Variants in RARB observed in about 807,000 individuals in gnomAD.
The protein encoded by RARB is retinoic acid receptor beta, also known as HBV-activated protein.
RARB carries 17 observed loss-of-function variants against 51.9 expected under a neutral mutation model. That is an observed-to-expected ratio of 0.33 (90% CI 0.22 to 0.49). The LOEUF (loss-of-function observed/expected upper bound fraction) is 0.49, where lower values mean the gene tolerates loss of function less well. RARB is among the 20% of genes least tolerant of loss of function. The pLI is 0.99. For synonymous variants in RARB, 215 were observed against 195.4 expected (o/e 1.10, Z -0.84); for missense variants, 369 against 550.8 (o/e 0.67, Z 3.30).
intron 5 of RARB, among the ~76,000 whole-genome samples, chr3:25,409,562 C>T (rs1163247556): frequency 2.0e-5 from 3 of 152,122 alleles, no homozygotes; most frequent in Non-Finnish European, 4.4e-5. Context: ...GAATCTTACA[C>T]CTTTTAATAT....
At chr3:25,196,343 A>C (rs560245476) in intron 5 of RARB, among the ~76,000 whole-genome samples, 1 of 151,974 alleles carries the variant, frequency 6.6e-6, no homozygotes, top group African/African-American at 2.4e-5. Flanking sequence ...TCCTTGTGAT[A>C]GTTTGCTCAG....
intron 2 of RARB, among the ~76,000 whole-genome samples, chr3:24,965,956 C>T (rs1215436362): frequency 6.6e-6 from 1 of 152,072 alleles, no homozygotes; most frequent in Non-Finnish European, 1.5e-5. Context: ...TTTTTGTGCA[C>T]ATCTTAGTTT....
chr3:25,356,700 T>A (rs1705748630), intron 5 of RARB, among the ~76,000 whole-genome samples: 1 of 152,114 alleles, frequency 6.6e-6, no homozygotes, highest in South Asian at 2.1e-4. Context: ...AAGTATGATG[T>A]TTCCCTCCCT....
intron 3 of RARB, among the ~76,000 whole-genome samples, chr3:25,121,428 G>C (rs1358353918): frequency 6.6e-6 from 1 of 152,070 alleles, no homozygotes; most frequent in East Asian, 1.9e-4. Context: ...TTTAATAGTT[G>C]GAAAATGTAA....
intron 5 of RARB, among the ~76,000 whole-genome samples, chr3:25,238,578 T>C (rs1702357740): frequency 6.6e-6 from 1 of 152,182 alleles, no homozygotes; most frequent in African/African-American, 2.4e-5. Context: ...TTTGAAAAAT[T>C]GCCATACACA....
In RARB at chr3:24,929,405, T is replaced by C. The variant is rs376032455; in HGVS notation, c.-380+70653T>C. On this transcript the variant is annotated intron_variant, in intron 2 of 11. Transcript: ENST00000383772. ...GTAAGCAGAAAAGTGACCGATGATA[T>C]TCAATAAAGATGCGTTTTAAGGGGA... Among the ~76,000 whole-genome samples, 8 of 152,204 alleles carry C rather than the reference T, an allele frequency of 5.3e-5. No individual in the cohort carries two copies. The South Asian group carries it at 8.3e-4, about 16-fold the overall frequency.
intron 4 of RARB, among the ~76,000 whole-genome samples, chr3:25,155,648 C>G (rs1700361632): frequency 6.6e-6 from 1 of 152,152 alleles, no homozygotes; most frequent in Admixed American, 6.5e-5. Context: ...GACCCACACA[C>G]TTTTTTTCAA....
At chr3:25,350,921 C>G (rs1029921190) in intron 5 of RARB, among the ~76,000 whole-genome samples, 4 of 152,156 alleles carry the variant, frequency 2.6e-5, no homozygotes, top group African/African-American at 4.8e-5. Context: ...TTGGAGGTGT[C>G]AATGGACATC....
At chr3:25,323,492 C>T (rs1704628827) in intron 5 of RARB, among the ~76,000 whole-genome samples, 2 of 152,198 alleles carry the variant, frequency 1.3e-5, no homozygotes, top group African/African-American at 4.8e-5. Flanking sequence ...TAGTAGTCTA[C>T]TCAGTTTAAA....
chr3:25,567,955 C>T (rs1477708344), intron 3 of RARB, among the ~76,000 whole-genome samples: 3 of 152,160 alleles, frequency 2.0e-5, no homozygotes, highest in African/African-American at 7.2e-5. Context: ...CCCCTTTCCC[C>T]CTCATTGTGT....
At chr3:24,887,901 G>T (rs1229018129) in intron 2 of RARB, among the ~76,000 whole-genome samples, 1 of 152,136 alleles carries the variant, frequency 6.6e-6, no homozygotes, top group Non-Finnish European at 1.5e-5. Flanking sequence ...GGGAGAGGTG[G>T]TGTGGTGGGA....
intron 3 of RARB, among the ~76,000 whole-genome samples, chr3:25,535,127 A>G (rs1422218530): frequency 6.6e-6 from 1 of 152,206 alleles, no homozygotes; most frequent in Non-Finnish European, 1.5e-5. Flanking sequence ...TCACTCCACT[A>G]TTAGCCAGGC....
At chr3:25,304,885 T>G (rs2125429628) in intron 5 of RARB, among the ~76,000 whole-genome samples, 1 of 152,328 alleles carries the variant, frequency 6.6e-6, no homozygotes, top group South Asian at 2.1e-4. Flanking sequence ...CAATTCAAAC[T>G]TACTCCAGTG....
Position 25,236,260 on chromosome 3 carries a change from A to G in RARB, c.178+61685A>G, listed in dbSNP as rs1003570772. Among the ~76,000 whole-genome samples the G allele has an allele frequency of 3.9e-5, 6 of 152,190 alleles. No individual in the cohort carries two copies. The South Asian group carries it at 1.0e-3, about 26-fold the overall frequency. ...AGAATTGGAGCAGTAAACAAAAACA[A>G]TGCATGTAGTGGATAATTGGGCACT... On this transcript the variant is annotated intron_variant, in intron 5 of 11. Coordinates refer to the RARB transcript ENST00000383772.
intron 5 of RARB, among the ~76,000 whole-genome samples, chr3:25,375,234 A>C (rs116270656): frequency 0.035 from 5,282 of 152,316 alleles, 116 homozygotes; most frequent in Middle Eastern, 0.065. Flanking sequence ...GACCCTATGC[A>C]TAGCAGGTGA....
At chr3:25,184,337 T>A (rs1032555641) in intron 5 of RARB, among the ~76,000 whole-genome samples, 2 of 152,156 alleles carry the variant, frequency 1.3e-5, no homozygotes, top group Admixed American at 6.6e-5. Context: ...TGTGGCTTTG[T>A]GGGCACTGAT....
In RARB at chr3:24,953,957, C is replaced by T. The variant is rs566962185; in HGVS notation, c.-380+95205C>T. Among the ~76,000 whole-genome samples the T allele has an allele frequency of 3.3e-5, 5 of 152,210 alleles. No individual in the cohort carries two copies. In the East Asian group the frequency reaches 9.6e-4, roughly 29 times the overall value. ...TACAGTAAATCGAGCTTTGTTTGTT[C>T]TTACTTTCTTTTCTGAGCGCTCAGA... On this transcript the variant is annotated intron_variant, in intron 2 of 11. Coordinates refer to the RARB transcript ENST00000383772.
chr3:25,409,999 T>C (rs1229022304), intron 5 of RARB, among the ~76,000 whole-genome samples: 2 of 152,220 alleles, frequency 1.3e-5, no homozygotes, highest in Non-Finnish European at 2.9e-5. Flanking sequence ...CTTTAGATCT[T>C]GACAATTTTT....
intron 3 of RARB, among the ~76,000 whole-genome samples, chr3:25,523,046 A>C (rs1698469622): frequency 6.6e-6 from 1 of 152,232 alleles, no homozygotes; most frequent in Non-Finnish European, 1.5e-5. Context: ...TGTTTATTGT[A>C]ATCCCACTAT....
Sources: gnomAD v4.1 joint callset for allele counts (sites outside exome capture counted in the v4.1 genomes callset) on GRCh38, gnomAD v4.1.1 for gene constraint, MANE v1.5 for transcripts, NCBI Gene and HGNC (gene_info 2026-07-23, HGNC 2026-07-21) for gene names.